VPS28: variants seen among roughly 807,000 people sequenced by gnomAD.
VPS28 encodes the protein VPS28 subunit of ESCRT-I, also known as vacuolar protein sorting-associated protein 28 homolog.
Under a neutral mutation model 33.7 loss-of-function variants are expected in VPS28, and 29 were observed. The ratio of observed to expected loss-of-function variants is 0.86; its 90% CI spans 0.64 to 1.17. The LOEUF is 1.17. Ranked by LOEUF, VPS28 falls within the 50% of genes most tolerant of loss-of-function variation. The probability of loss-of-function intolerance (pLI) is 0.00; values close to 1 mark genes in which losing one functional copy is unlikely to be tolerated. For missense variants in VPS28, 247 were observed against 312.2 expected, an observed-to-expected ratio of 0.79 and a Z score of 1.57; for synonymous variants, 164 against 116.7, an observed-to-expected ratio of 1.40 and a Z score of -2.61.
At chr8:144,427,165 G>A in intron 1 of VPS28, 186 bp from the exon 2 acceptor site, 1 of 436,148 alleles carries the variant, frequency 2.3e-6, no homozygotes, top group Non-Finnish European at 4.3e-6. Context: ...CGGACGTTGT[G>A]GCATACGGTT....
intron 1 of VPS28, among the ~76,000 whole-genome samples, 177 bp downstream of exon 1, chr8:144,428,312 C>T (rs973266314): frequency 6.6e-6 from 1 of 152,250 alleles, no homozygotes; most frequent in Non-Finnish European, 1.5e-5. Flanking sequence ...TGCAAAACAA[C>T]CTCGCAGAGT....
rs1348022219 is a variant in VPS28 at position 144,424,615 on chromosome 8, A to G, written c.402+103T>C. 4 of 1,288,684 alleles carry G rather than the reference A, an allele frequency of 3.1e-6. No individual in the cohort carries two copies. The East Asian group carries it at 9.3e-5, about 30-fold the overall frequency. The allele number at this position is 1,288,684 out of a possible 1,614,324, so 79.8% of individuals were successfully genotyped here. A position where few individuals can be genotyped will look rare whatever the true frequency, so the allele number is the denominator to read the frequency against. ...GGGGTTCCCTTCTGCCCAGCAAGTC[A>G]GAGTGCTGCTCAGCTCTGGAGGCCC... On this transcript the variant is annotated intron_variant, in intron 7 of 9. Transcript: ENST00000292510.
chr8:144,424,480 T>A (rs190981792), intron 7 of VPS28: 5 of 808,932 alleles, frequency 6.2e-6, no homozygotes, highest in Middle Eastern at 3.7e-4. Context: ...CCACACTCTC[T>A]CCCGAGGCCA....
At chr8:144,424,908 A>G in intron 6 of VPS28, 38 bp downstream of exon 6, 4 of 1,607,934 alleles carry the variant, frequency 2.5e-6, no homozygotes, top group Non-Finnish European at 3.4e-6. Context: ...CATGCCCGAC[A>G]GTCTCGCCCC....
intron 2 of VPS28, 59 bp from the exon 3 acceptor site, chr8:144,426,267 C>T: frequency 6.6e-7 from 1 of 1,509,748 alleles, no homozygotes. Flanking sequence ...AGGGCAGACT[C>T]CAGTCCCAGT....
chr8:144,427,519 G>A (rs1362667956), intron 1 of VPS28, among the ~76,000 whole-genome samples: 1 of 152,148 alleles, frequency 6.6e-6, no homozygotes, highest in East Asian at 1.9e-4. Flanking sequence ...GGTTGAGGGA[G>A]GTTATGAGGG....
rs781825178 is a variant in VPS28, at chr8:144,424,025, TGGGA to T, written c.548+12_548+15del. On this transcript the variant is annotated intron_variant, in intron 9 of 9. Coordinates refer to ENST00000292510, the MANE Select transcript of VPS28 (RefSeq NM_016208.4). ...CGGGCACTGCGGGGCTCTGCCTGGC[TGGGA>T]GGGACACCCACCACTGGCTGACCGT... 1.2e-4 allele frequency: 194 copies of T among 1,594,450 alleles called. No homozygotes were observed. The highest frequency in any genetic ancestry group is 3.9e-5 in the Non-Finnish European group (45 of 1,167,254).
At chr8:144,425,805 C>T (rs376212363) in intron 4 of VPS28, 33 bp from the exon 5 acceptor site, 72 of 1,612,890 alleles carry the variant, frequency 4.5e-5, no homozygotes, top group Non-Finnish European at 5.9e-5. Flanking sequence ...GGCCAGGCCC[C>T]GGGGTGCCAA....
At chr8:144,427,931 G>C (rs527251900) in intron 1 of VPS28, among the ~76,000 whole-genome samples, 1 of 152,296 alleles carries the variant, frequency 6.6e-6, no homozygotes, top group African/African-American at 2.4e-5. Context: ...AGCGGGCCTG[G>C]CGGGCAGGCG....
intron 2 of VPS28, 103 bp downstream of exon 2, chr8:144,426,806 A>C: frequency 7.5e-7 from 1 of 1,335,410 alleles, no homozygotes; most frequent in Non-Finnish European, 1.0e-6. Context: ...GCTGTACGAG[A>C]GCAGGGTCAG....
At chr8:144,424,295 C>T (rs782319081) in intron 7 of VPS28, 27 bp from the exon 8 acceptor site, 16 of 1,568,922 alleles carry the variant, frequency 1.0e-5, no homozygotes, top group African/African-American at 4.1e-5. Context: ...ACATGAGGCT[C>T]GCGTGTCCAC....
Position 144,424,932 on chromosome 8 carries a change from G to A in VPS28, c.300+14C>T, listed in dbSNP as rs782615651. The A allele has an allele frequency of 5.0e-6, 8 of 1,597,140 alleles. No homozygotes were observed. Among genetic ancestry groups the A allele is most frequent in the African/African-American group, 1.3e-5 (1 of 74,754 alleles). On this transcript the variant is annotated intron_variant, in intron 6 of 9. Coordinates refer to ENST00000292510, the MANE Select transcript of VPS28 (RefSeq NM_016208.4). ...CAGTCTCGCCCCATGGGGGTGGAAG[G>A]ACCAGGCACTCACGCGGAACTTGCG...
chr8:144,426,474 G>A (rs1017030160), intron 2 of VPS28: 3 of 495,970 alleles, frequency 6.0e-6, no homozygotes, highest in Admixed American at 3.8e-5. Context: ...CGCATGACAG[G>A]CCCAGCTCCC....
At chr8:144,426,632 C>T in intron 2 of VPS28, 1 of 495,358 alleles carries the variant, frequency 2.0e-6, no homozygotes, top group South Asian at 2.4e-5. Flanking sequence ...CCACACACAG[C>T]CTCTCCCCTG....
Position 144,423,810 on chromosome 8 carries a change from C to A in VPS28, c.661G>T (p.Ala221Ser). 1 of 1,613,138 alleles carries A rather than the reference C, an allele frequency of 6.2e-7. No individual in the cohort carries two copies. Among genetic ancestry groups the A allele is most frequent in the Non-Finnish European group, 8.5e-7 (1 of 1,180,040 alleles). ...AYNAFNRFLH[A>S] ...CAAGGGCTAGTGCCCCGGGCTCAGG[C>A]ATGCAGGAAGCGGTTGAAGGCGTTG... The change falls in exon 10 of 10, where the codon GCC becomes TCC. Residue 221 changes from alanine (A) to serine (S), a missense_variant. Around this residue, in one of 3 missense-constraint regions of VPS28, gnomAD observed 95 missense variants for 118.3 expected, o/e 0.80. Transcript: ENST00000292510.
In VPS28 at chr8:144,426,920, G is replaced by A. The variant is rs782208733; in HGVS notation, c.26C>T (p.Pro9Leu). The A allele has an allele frequency of 1.3e-5, 21 of 1,612,468 alleles. No individual in the cohort carries two copies. In the Admixed American group the frequency reaches 2.3e-4, roughly 18 times the overall value. Residue 9 changes from proline (P) to leucine (L), a missense_variant, in exon 2 of 10, where the codon CCG becomes CTG. Physicochemically the swap from Pro to Leu is moderately conservative, Grantham distance 98 (BLOSUM62 -3). Around this residue, in one of 3 missense-constraint regions of VPS28, gnomAD observed 149 missense variants for 172.8 expected, o/e 0.86. Coordinates refer to ENST00000292510, the MANE Select transcript of VPS28 (RefSeq NM_016208.4). MFHGIPAT[P>L]GIGAPGNKPE... ...CCAGCCACACTCACCTCCTATGCCC[G>A]GCGTGGCTGGGATCCCATGAAACAT...
intron 7 of VPS28, 80 bp downstream of exon 7, chr8:144,424,638 C>G: frequency 6.8e-7 from 1 of 1,460,502 alleles, no homozygotes. Flanking sequence ...GCTCTGGAGG[C>G]CCAGGACCCT....
chr8:144,425,138 C>T (rs1232991025), intron 5 of VPS28, 87 bp from the exon 6 acceptor site: 2 of 1,200,042 alleles, frequency 1.7e-6, no homozygotes, highest in East Asian at 5.1e-5. Context: ...GGCAAAGCAG[C>T]TTCCAGAGAG....
chr8:144,426,160 G>A lies in VPS28; in HGVS notation c.66+20C>T. Reference sequence around the variant, plus strand: ...ATTTGCTGTTGGCCAATGCCGGCCGGGTGGGCACCCACCACTCACCTCATA... The same window carrying A: ...ATTTGCTGTTGGCCAATGCCGGCCGAGTGGGCACCCACCACTCACCTCATA... On this transcript the variant is annotated intron_variant, in intron 3 of 9. Transcript: ENST00000292510. 2.5e-6 allele frequency: 4 copies of A among 1,604,084 alleles called. No individual in the cohort carries two copies. The highest frequency in any genetic ancestry group is 3.4e-6 in the Non-Finnish European group (4 of 1,175,562).
Sources: allele counts gnomAD v4.1 joint callset (sites outside exome capture counted in the v4.1 genomes callset), GRCh38; gene constraint gnomAD v4.1.1; regional missense constraint gnomAD v4.1.1; transcripts MANE v1.5; gene names NCBI Gene and HGNC (gene_info 2026-07-23, HGNC 2026-07-21).